Variants in RAMP1 observed in about 807,000 individuals in gnomAD.
The protein encoded by RAMP1 is receptor activity modifying protein 1.
A neutral mutation model predicts 8.2 loss-of-function variants in RAMP1; 7 were observed. The observed-to-expected ratio is 0.85, with a 90% CI of 0.49 to 1.60. The LOEUF is 1.60. Among genes scored for constraint, RAMP1 ranks in the 40% most tolerant of loss-of-function variants. RAMP1 has a pLI of 0.00. For synonymous variants in RAMP1, 92 were observed against 84.7 expected (o/e 1.09, Z -0.47); for missense variants, 192 against 202.4 (o/e 0.95, Z 0.31).
intron 1 of RAMP1, among the ~76,000 whole-genome samples, chr2:237,873,926 C>G (rs1232031968): frequency 2.6e-5 from 4 of 152,348 alleles, no homozygotes; most frequent in East Asian, 3.9e-4. Context: ...AGCTGTGGGA[C>G]TCTGGGCTCC....
At chr2:237,894,929 C>T (rs1013401584) in intron 2 of RAMP1, among the ~76,000 whole-genome samples, 1 of 152,162 alleles carries the variant, frequency 6.6e-6, no homozygotes, top group Non-Finnish European at 1.5e-5. Flanking sequence ...TGTGGTTCTC[C>T]TTCGACAAGT....
At chr2:237,903,514 T>C (rs2062626237) in intron 2 of RAMP1, among the ~76,000 whole-genome samples, 1 of 151,106 alleles carries the variant, frequency 6.6e-6, no homozygotes. Context: ...TCACTAGCAT[T>C]CAGCATTATT....
At chr2:237,875,600 C>T (rs1049300255) in intron 1 of RAMP1, among the ~76,000 whole-genome samples, 5 of 152,152 alleles carry the variant, frequency 3.3e-5, no homozygotes, top group Non-Finnish European at 5.9e-5. Context: ...CATGCAGGCC[C>T]GACTGCACCC....
At chr2:237,910,512 T>C (rs972071241) in intron 2 of RAMP1, among the ~76,000 whole-genome samples, 1 of 145,780 alleles carries the variant, frequency 6.9e-6, no homozygotes. Context: ...ATAACACAAT[T>C]ACATATACAT....
At chr2:237,890,070 G>A (rs1473309001) in intron 2 of RAMP1, among the ~76,000 whole-genome samples, 1 of 152,224 alleles carries the variant, frequency 6.6e-6, no homozygotes, top group East Asian at 1.9e-4. Context: ...AGTAAAATGG[G>A]TATAGAAAGT....
rs1437512175 is a variant in RAMP1, at chr2:237,859,671, GCA to G, written c.-3_-2del. ...AGCGGACTCGACTCGGCACCGCTGT[GCA>G]CCATGGCCCGGGCCCTGTGCCGCCT... is the stretch of plus-strand genomic sequence containing the variant. On this transcript the variant is annotated 5_prime_UTR_variant, in exon 1 of 3. Coordinates refer to ENST00000254661, the MANE Select transcript of RAMP1 (RefSeq NM_005855.4). 1.3e-6 allele frequency: 2 copies of G among 1,500,626 alleles called. No individual in the cohort carries two copies. Among genetic ancestry groups the G allele is most frequent in the Admixed American group, 2.2e-5 (1 of 45,716 alleles). The allele number at this position is 1,500,626 out of a possible 1,614,324, so 93.0% of individuals were successfully genotyped here.
chr2:237,861,195 T>C (rs1197341176), intron 1 of RAMP1, among the ~76,000 whole-genome samples: 1 of 152,200 alleles, frequency 6.6e-6, no homozygotes, highest in African/African-American at 2.4e-5. Flanking sequence ...CACGATCACA[T>C]ATAAAGACCT....
intron 2 of RAMP1, among the ~76,000 whole-genome samples, chr2:237,889,238 G>A (rs192515554): frequency 1.3e-5 from 2 of 152,098 alleles, no homozygotes; most frequent in Admixed American, 1.3e-4. Flanking sequence ...TGTGACCTCC[G>A]CACAGCTGTA....
intron 2 of RAMP1, among the ~76,000 whole-genome samples, chr2:237,893,810 G>A (rs746374464): frequency 4.0e-4 from 61 of 152,016 alleles, no homozygotes; most frequent in Non-Finnish European, 7.9e-4. Flanking sequence ...GTGGTGGCAC[G>A]CACCTGCAGT....
At chr2:237,888,627 TC>T (rs1202087738) in intron 2 of RAMP1, among the ~76,000 whole-genome samples, 5 of 152,230 alleles carry the variant, frequency 3.3e-5, no homozygotes, top group African/African-American at 1.2e-4. Flanking sequence ...TTCCTATTTG[TC>T]CTGTGAGTCA....
chr2:237,890,939 T>C (rs1179679742), intron 2 of RAMP1, among the ~76,000 whole-genome samples: 2 of 152,206 alleles, frequency 1.3e-5, no homozygotes, highest in Non-Finnish European at 2.9e-5. Flanking sequence ...TTTTCTCAGT[T>C]TTTTTGCTTT....
At chr2:237,872,652 G>GGGCTGTGTGA (rs1251790465) in intron 1 of RAMP1, among the ~76,000 whole-genome samples, 3 of 152,190 alleles carry the variant, frequency 2.0e-5, no homozygotes, top group Admixed American at 6.5e-5. Flanking sequence ...TACCACTCCT[G>GGGCTGTGTGA]GGCTGTGTGA....
intron 2 of RAMP1, among the ~76,000 whole-genome samples, chr2:237,893,712 G>C (rs796602585): frequency 6.6e-6 from 1 of 152,168 alleles, no homozygotes; most frequent in African/African-American, 2.4e-5. Flanking sequence ...GCCAAGGCAG[G>C]TGGATCACTT....
intron 2 of RAMP1, among the ~76,000 whole-genome samples, chr2:237,901,184 T>G (rs1377925377): frequency 6.6e-6 from 1 of 152,258 alleles, no homozygotes; most frequent in Non-Finnish European, 1.5e-5. Flanking sequence ...ACCTTCTGTC[T>G]GCGTCTCCTG....
intron 2 of RAMP1, among the ~76,000 whole-genome samples, chr2:237,906,405 C>T (rs566937344): frequency 1.3e-5 from 2 of 152,052 alleles, no homozygotes; most frequent in Admixed American, 6.6e-5. Flanking sequence ...ACGATAGGGG[C>T]GGGGGTAGAG....
chr2:237,904,015 A>G (rs752405603), intron 2 of RAMP1, among the ~76,000 whole-genome samples: 1 of 152,238 alleles, frequency 6.6e-6, no homozygotes, highest in Non-Finnish European at 1.5e-5. Context: ...TTGGGTTTAC[A>G]CGTGTGAGCC....
chr2:237,863,941 T>A (rs997675787), intron 1 of RAMP1, among the ~76,000 whole-genome samples: 4 of 151,890 alleles, frequency 2.6e-5, no homozygotes, highest in African/African-American at 9.7e-5. Flanking sequence ...CGGGGACAAC[T>A]GCCCAGCCTC....
Position 237,876,631 on chromosome 2 carries a change from C to T in RAMP1, c.53-593C>T, listed in dbSNP as rs1307272051. On this transcript the variant is annotated intron_variant, in intron 1 of 2. Coordinates refer to ENST00000254661, the MANE Select transcript of RAMP1 (RefSeq NM_005855.4). ...AGCCTGGTGGGTGGGGGACCAAGGG[C>T]CATGCTCTCCCCGCCACCCCCGCCC... Among the ~76,000 whole-genome samples the T allele has an allele frequency of 3.3e-5, 5 of 151,462 alleles. No homozygotes were observed. In the East Asian group the frequency reaches 5.8e-4, roughly 18 times the overall value.
chr2:237,911,435 GC>G (rs1346830523), intron 2 of RAMP1, 92 bp from the exon 3 acceptor site: 1 of 1,517,366 alleles, frequency 6.6e-7, no homozygotes, highest in African/African-American at 1.4e-5. Context: ...CTTCAGGGCT[GC>G]ATGAGGGGCC....
Sources: gnomAD v4.1 joint callset for allele counts (sites outside exome capture counted in the v4.1 genomes callset) on GRCh38, gnomAD v4.1.1 for gene constraint, MANE v1.5 for transcripts, NCBI Gene and HGNC (gene_info 2026-07-23, HGNC 2026-07-21) for gene names.